The following AKAP13 variants were observed in gnomAD, a reference collection of about 807,000 sequenced individuals.
AKAP13 encodes A-kinase anchor protein 13.
A neutral mutation model predicts 264.5 loss-of-function variants in AKAP13; 80 were observed. That is an observed-to-expected ratio of 0.30 (90% CI 0.25 to 0.36). The LOEUF (loss-of-function observed/expected upper bound fraction) is 0.36. Ranked by LOEUF, AKAP13 falls within the 10% of genes least tolerant of loss-of-function variation. The probability of loss-of-function intolerance (pLI) is 1.00; values close to 1 mark genes in which losing one functional copy is unlikely to be tolerated. For synonymous variants in AKAP13, 1,380 were observed against 1,250.2 expected (o/e 1.10, Z -2.19); for missense variants, 3,712 against 3,435.2 (o/e 1.08, Z -2.01).
chr15:85,441,011 T>G (rs1195617668), intron 1 of AKAP13, among the ~76,000 whole-genome samples: 1 of 152,220 alleles, frequency 6.6e-6, no homozygotes, highest in African/African-American at 2.4e-5. Flanking sequence ...GTCATTGGTG[T>G]CATTCGAAGG....
At chr15:85,600,751 A>G (rs959416861) in intron 8 of AKAP13, among the ~76,000 whole-genome samples, 8 of 152,250 alleles carry the variant, frequency 5.3e-5, no homozygotes, top group South Asian at 2.1e-4. Context: ...GATGACCACA[A>G]TGAATAACTG....
chr15:85,393,185 A>G (rs1370147203), intron 1 of AKAP13, among the ~76,000 whole-genome samples: 1 of 152,206 alleles, frequency 6.6e-6, no homozygotes, highest in African/African-American at 2.4e-5. Flanking sequence ...CTGGAAGAAA[A>G]TGGTTTTTGG....
chr15:85,661,204 C>A lies in AKAP13; in HGVS notation c.4799+2614C>A, dbSNP rs559019147. Among the ~76,000 whole-genome samples, 14 of 152,162 alleles carry A rather than the reference C, an allele frequency of 9.2e-5. No individual in the cohort carries two copies. The South Asian group carries it at 2.5e-3, about 27-fold the overall frequency. ...CATGCAGTTTCCTTTATAGAACACA[C>A]AATATTTTGAATTGATTATTGTTTT... On this transcript the variant is annotated intron_variant, in intron 12 of 36. Coordinates refer to ENST00000394518, the MANE Select transcript of AKAP13 (RefSeq NM_007200.5).
chr15:85,447,276 A>C (rs2073933522), intron 1 of AKAP13, among the ~76,000 whole-genome samples: 2 of 146,556 alleles, frequency 1.4e-5, no homozygotes, highest in Middle Eastern at 3.6e-3. Flanking sequence ...AAAATAAATA[A>C]ATAAATAAAT....
intron 7 of AKAP13, chr15:85,582,873 C>G (rs1402790145): frequency 1.0e-6 from 1 of 985,486 alleles, no homozygotes; most frequent in Non-Finnish European, 1.2e-6. Flanking sequence ...CTTGTGTCTG[C>G]TTTATCTTGG....
intron 1 of AKAP13, among the ~76,000 whole-genome samples, chr15:85,414,016 A>C (rs1447239372): frequency 6.6e-6 from 1 of 152,202 alleles, no homozygotes; most frequent in African/African-American, 2.4e-5. Context: ...CCTCAGTGGA[A>C]ATGGAAATGA....
In AKAP13 at chr15:85,639,431, G is replaced by A. The variant is rs114836739; in HGVS notation, c.4219G>A (p.Ala1407Thr). The A allele has an allele frequency of 3.1e-4, 507 of 1,612,816 alleles. No homozygotes were observed. Among genetic ancestry groups the A allele is most frequent in the Non-Finnish European group, 3.9e-4 (461 of 1,179,440 alleles). ...ATGCCCTGATGCAGCATCTCTTCTG[G>A]CTTCCAAGCAGAGCCCAGGTAAGCT... ...EPCPDAASLL[A>T]SKQSPECENF... The change falls in exon 9 of 37, where the codon GCT becomes ACT. Residue 1407 changes from alanine (A) to threonine (T), a missense_variant. Physicochemically the swap from Ala to Thr is moderately conservative, Grantham distance 58. Transcript: ENST00000394518.
At chr15:85,620,096 A>G (rs1045261945) in intron 8 of AKAP13, 5 of 1,536,084 alleles carry the variant, frequency 3.3e-6, no homozygotes, top group East Asian at 2.4e-5. Context: ...GGCAAAATGT[A>G]TGAACGGCAC....
chr15:85,745,634 A>G lies in AKAP13; in HGVS notation c.*957A>G, dbSNP rs180984989. ...AGCCCCCGTCGTGCCTCTCCCAGAC[A>G]GCAGCTGTCTGGCCCTTGCTGGGTG... On this transcript the variant is annotated 3_prime_UTR_variant, in exon 37 of 37. Transcript: ENST00000394518. 2.2e-4 allele frequency: 33 copies of G among 152,326 alleles called. No homozygotes were observed. Among genetic ancestry groups the G allele is most frequent in the African/African-American group, 7.7e-4 (32 of 41,562 alleles). The allele number at this position is 152,326 out of a possible 1,614,324, so 9.4% of individuals were successfully genotyped here. A position where few individuals can be genotyped will look rare whatever the true frequency, so the allele number is the denominator to read the frequency against.
chr15:85,624,932 A>T (rs1222308549), intron 8 of AKAP13, among the ~76,000 whole-genome samples: 4 of 152,200 alleles, frequency 2.6e-5, no homozygotes, highest in African/African-American at 9.7e-5. Flanking sequence ...TTCTGAGGTA[A>T]CTTCCATTAT....
chr15:85,545,579 T>C (rs964000672), intron 5 of AKAP13, among the ~76,000 whole-genome samples: 2 of 152,170 alleles, frequency 1.3e-5, no homozygotes, highest in African/African-American at 4.8e-5. Context: ...AAATCACCAA[T>C]AGAGGACCCT....
intron 4 of AKAP13, chr15:85,535,248 A>G (rs1372374257): frequency 6.6e-6 from 1 of 152,220 alleles, no homozygotes; most frequent in Non-Finnish European, 1.5e-5. Context: ...GAAGAATGGT[A>G]AAGAGGTCTT....
intron 8 of AKAP13, among the ~76,000 whole-genome samples, chr15:85,629,716 T>C (rs2081601077): frequency 6.6e-6 from 1 of 150,536 alleles, no homozygotes; most frequent in Non-Finnish European, 1.5e-5. Flanking sequence ...TATGGGATGG[T>C]ACTTTAAAGT....
chr15:85,397,631 A>T (rs916779378), intron 1 of AKAP13, among the ~76,000 whole-genome samples: 7 of 152,212 alleles, frequency 4.6e-5, no homozygotes, highest in Admixed American at 2.6e-4. Flanking sequence ...TATATAGGTC[A>T]GGTCTTATCT....
Position 85,466,204 on chromosome 15 carries a change from G to GT in AKAP13, c.-11-19499dup, listed in dbSNP as rs1262452937. Among the ~76,000 whole-genome samples, 16 of 150,394 alleles carry GT rather than the reference G, an allele frequency of 1.1e-4. No individual in the cohort carries two copies. The South Asian group carries it at 2.5e-3, about 24-fold the overall frequency. ...TGCCCACTTTTTGATGGGGTTGTTT[G>GT]TTTTTTTCTTGTAAATTTGTTTGAG... On this transcript the variant is annotated intron_variant, in intron 1 of 36. Transcript: ENST00000394518.
chr15:85,486,249 C>A (rs2075540005), intron 2 of AKAP13, among the ~76,000 whole-genome samples: 1 of 151,700 alleles, frequency 6.6e-6, no homozygotes, highest in Admixed American at 6.6e-5. Flanking sequence ...CTTTCAAGCA[C>A]AAAAATTTTC....
In AKAP13 at chr15:85,723,008, T is replaced by A; in HGVS notation, c.6497-64T>A. 5 of 1,566,660 alleles carry A rather than the reference T, an allele frequency of 3.2e-6. 1 individual carries two copies. The highest frequency in any genetic ancestry group is 4.3e-6 in the Non-Finnish European group (5 of 1,154,692). On this transcript the variant is annotated intron_variant, in intron 25 of 36. Coordinates refer to ENST00000394518, the MANE Select transcript of AKAP13 (RefSeq NM_007200.5). ...GATGATATGGAGTGAGAAGTCAGGA[T>A]TCCCTTGCTTCTGCCCTTGTCCAAA...
chr15:85,521,654 A>AC, intron 3 of AKAP13, 79 bp downstream of exon 3: 4 of 1,485,106 alleles, frequency 2.7e-6, no homozygotes, highest in Non-Finnish European at 3.7e-6. Context: ...GTATAGAGTG[A>AC]CAGGAAGAGT....
chr15:85,624,434 GCAGAGAAACACA>G (rs1481192429), intron 8 of AKAP13: 1 of 152,144 alleles, frequency 6.6e-6, no homozygotes, highest in Non-Finnish European at 1.5e-5. Context: ...GTGTCATTTT[GCAGAGAAACACA>G]CATTCCCTAA....
Sources: gnomAD v4.1 joint callset for allele counts (sites outside exome capture counted in the v4.1 genomes callset) on GRCh38, gnomAD v4.1.1 for gene constraint, MANE v1.5 for transcripts, NCBI Gene and HGNC (gene_info 2026-07-23, HGNC 2026-07-21) for gene names.